Variants in NCOA2 observed in about 807,000 individuals in gnomAD.
NCOA2 encodes the protein class E basic helix-loop-helix protein 75.
In NCOA2, 21 loss-of-function variants were observed where a neutral mutation model predicts 145.1. The ratio of observed to expected loss-of-function variants is 0.14; its 90% confidence interval spans 0.10 to 0.21. NCOA2 has a LOEUF of 0.21. Ranked by LOEUF, NCOA2 falls within the 10% of genes least tolerant of loss-of-function variation. The probability of loss-of-function intolerance (pLI) is 1.00; values close to 1 mark genes in which losing one functional copy is unlikely to be tolerated. For missense variants in NCOA2, 1,472 were observed against 1,837.6 expected, an observed-to-expected ratio of 0.80 and a Z score of 3.64; for synonymous variants, 619 against 637.5, an observed-to-expected ratio of 0.97 and a Z score of 0.44.
intron 2 of NCOA2, among the ~76,000 whole-genome samples, chr8:70,294,535 C>A (rs1826937649): frequency 6.6e-6 from 1 of 152,128 alleles, no homozygotes; most frequent in Admixed American, 6.5e-5. Flanking sequence ...AATGAGTCGT[C>A]ATGTTTCAGT....
chr8:70,268,469 G>C (rs1025061018), intron 2 of NCOA2, among the ~76,000 whole-genome samples: 10 of 151,974 alleles, frequency 6.6e-5, no homozygotes, highest in Non-Finnish European at 1.5e-4. Context: ...TCTTACATTA[G>C]GTACAGTTTG....
chr8:70,156,008 G>C lies in NCOA2; in HGVS notation c.2357C>G (p.Thr786Ser). ...ASNTKLIAMK[T>S]EKEEMSFEPG... ...CTCAAAGCTCATCTCCTCCTTCTCA[G>C]TTTTCATTGCTATTAATTTTGTGTT... The change falls in exon 11 of 23, where the codon ACT becomes AGT. Residue 786 changes from threonine to serine, a missense_variant. By Grantham distance (58) the Thr-to-Ser change is moderately conservative (BLOSUM62 1). Coordinates refer to ENST00000452400, the MANE Select transcript of NCOA2 (RefSeq NM_006540.4). 1.3e-6 allele frequency: 2 copies of C among 1,598,436 alleles called. No individual in the cohort carries two copies. The highest frequency in any genetic ancestry group is 1.1e-5 in the South Asian group (1 of 88,220).
intron 5 of NCOA2, 50 bp downstream of exon 5, chr8:70,174,706 T>A (rs1360656507): frequency 6.8e-7 from 1 of 1,469,556 alleles, no homozygotes; most frequent in Non-Finnish European, 9.5e-7. Flanking sequence ...TGTAATAATG[T>A]GAAGATCAAC....
intron 1 of NCOA2, among the ~76,000 whole-genome samples, chr8:70,326,475 A>G (rs1034723680): frequency 1.3e-5 from 2 of 148,944 alleles, no homozygotes; most frequent in African/African-American, 5.1e-5. Context: ...ACACACATGC[A>G]CACACACACA....
At chr8:70,227,293 C>T (rs1820733128) in intron 2 of NCOA2, among the ~76,000 whole-genome samples, 1 of 152,174 alleles carries the variant, frequency 6.6e-6, no homozygotes, top group Non-Finnish European at 1.5e-5. Flanking sequence ...ACAGTTTTGC[C>T]TCTGCAAAAC....
intron 1 of NCOA2, among the ~76,000 whole-genome samples, chr8:70,341,526 C>T (rs1213214218): frequency 6.6e-6 from 1 of 152,196 alleles, no homozygotes; most frequent in Non-Finnish European, 1.5e-5. Flanking sequence ...CATACATAGC[C>T]ACACAGTTTA....
chr8:70,171,883 G>C (rs543097037), intron 5 of NCOA2, among the ~76,000 whole-genome samples: 18 of 152,266 alleles, frequency 1.2e-4, no homozygotes, highest in African/African-American at 3.6e-4. Context: ...GGGTGCAATG[G>C]CATGATCATG....
intron 1 of NCOA2, among the ~76,000 whole-genome samples, chr8:70,316,324 T>C (rs1183000238): frequency 1.3e-5 from 2 of 152,204 alleles, no homozygotes; most frequent in Non-Finnish European, 2.9e-5. Context: ...AAAGGCACTA[T>C]GTTTTTACCA....
chr8:70,254,328 A>C (rs966726940), intron 2 of NCOA2, among the ~76,000 whole-genome samples: 5 of 152,186 alleles, frequency 3.3e-5, no homozygotes, highest in Non-Finnish European at 7.3e-5. Context: ...TGGAAAACAA[A>C]AATTTTTCAA....
At chr8:70,399,477 G>C (rs754993495) in intron 1 of NCOA2, among the ~76,000 whole-genome samples, 6 of 152,142 alleles carry the variant, frequency 3.9e-5, no homozygotes, top group Non-Finnish European at 7.4e-5. Context: ...ATCCTGATTT[G>C]TTGCTGATTT....
At chr8:70,196,337 T>C (rs1057041934) in intron 4 of NCOA2, among the ~76,000 whole-genome samples, 1 of 152,032 alleles carries the variant, frequency 6.6e-6, no homozygotes, top group African/African-American at 2.4e-5. Flanking sequence ...GATCACACCA[T>C]TGCACTCCAG....
chr8:70,159,525 T>A lies in NCOA2; in HGVS notation c.1104A>T (p.Ile368=). Residue 368 remains isoleucine, a synonymous_variant, in exon 10 of 23, where the codon ATA becomes ATT. Transcript: ENST00000452400. Reference sequence around the variant, plus strand: ...ATTACCTGTGAAGCATATGTAAAGATATTACAAGTTGAGGTTCATTAGTAG... The same window carrying A: ...ATTACCTGTGAAGCATATGTAAAGAAATTACAAGTTGAGGTTCATTAGTAG... ...SQTTNEPQLV[I]SLHMLHREQN... 6.2e-7 allele frequency: 1 copy of A among 1,609,966 alleles called. No homozygotes were observed. Among genetic ancestry groups the A allele is most frequent in the Non-Finnish European group, 8.5e-7 (1 of 1,176,604 alleles).
chr8:70,426,292 G>A, the NCOA2 span, among the ~76,000 whole-genome samples: 64 of 152,258 alleles, frequency 4.2e-4, no homozygotes, highest in East Asian at 1.7e-3. Flanking sequence ...TTTTGTGACC[G>A]ATAAAAACAT....
intron 1 of NCOA2, among the ~76,000 whole-genome samples, chr8:70,320,666 G>A (rs1419772758): frequency 1.3e-5 from 2 of 152,038 alleles, no homozygotes; most frequent in Non-Finnish European, 2.9e-5. Flanking sequence ...GAAATTAAAA[G>A]TTTTTCTAAA....
At chr8:70,148,213 T>C (rs1419095029) in intron 12 of NCOA2, 60 bp downstream of exon 12, 3 of 1,525,822 alleles carry the variant, frequency 2.0e-6, no homozygotes, top group African/African-American at 2.7e-5. Flanking sequence ...CAATAATCCC[T>C]GTTTCTGATA....
chr8:70,135,944 A>G (rs550309430), intron 15 of NCOA2, among the ~76,000 whole-genome samples: 4 of 152,334 alleles, frequency 2.6e-5, no homozygotes, highest in Non-Finnish European at 5.9e-5. Context: ...AGAAACCATA[A>G]CATTACCATT....
In NCOA2 at chr8:70,156,531, T is replaced by C; in HGVS notation, c.1834A>G (p.Thr612Ala). 2 of 1,613,886 alleles carry C rather than the reference T, an allele frequency of 1.2e-6. No individual in the cohort carries two copies. Among genetic ancestry groups the C allele is most frequent in the East Asian group, 2.2e-5 (1 of 44,862 alleles). The part of the protein sequence containing the change: ...SSCHPGEQKE[T>A]NDPNLPPAVS... The stretch of plus-strand genomic sequence containing the variant: ...GCCGGGGGCAGGTTGGGGTCATTTG[T>C]TTCCTTTTGCTCTCCAGGATGGCAG... Residue 612 changes from threonine (T) to alanine (A), a missense_variant, in exon 11 of 23, where the codon ACA becomes GCA. Coordinates refer to ENST00000452400, the MANE Select transcript of NCOA2 (RefSeq NM_006540.4).
At chr8:70,386,437 T>A (rs1024715542) in intron 1 of NCOA2, among the ~76,000 whole-genome samples, 1 of 152,154 alleles carries the variant, frequency 6.6e-6, no homozygotes, top group African/African-American at 2.4e-5. Context: ...ATTCTAGTGC[T>A]TTCAGGGAGA....
intron 1 of NCOA2, among the ~76,000 whole-genome samples, chr8:70,395,358 A>C (rs1204182752): frequency 6.6e-6 from 1 of 152,216 alleles, no homozygotes; most frequent in Non-Finnish European, 1.5e-5. Context: ...TGCTGGCACA[A>C]GATGGCAGAT....
Sources: allele counts gnomAD v4.1 joint callset (sites outside exome capture counted in the v4.1 genomes callset), GRCh38; gene constraint gnomAD v4.1.1; transcripts MANE v1.5; gene names NCBI Gene and HGNC (gene_info 2026-07-23, HGNC 2026-07-21).